The following NRCAM variants were observed in gnomAD, a reference collection of about 807,000 sequenced individuals.
NRCAM encodes the protein NgCAM-related cell adhesion molecule.
A neutral mutation model predicts 156.5 loss-of-function variants in NRCAM; 83 were observed. The ratio of observed to expected loss-of-function variants is 0.53; its 90% CI spans 0.44 to 0.64. The LOEUF (loss-of-function observed/expected upper bound fraction) is 0.64, where lower values mean the gene tolerates loss of function less well. Ranked by LOEUF, NRCAM falls within the 30% of genes least tolerant of loss-of-function variation. The probability of loss-of-function intolerance (pLI) is 0.00; values close to 1 mark genes in which losing one functional copy is unlikely to be tolerated. For synonymous variants in NRCAM, 538 were observed against 563.9 expected, an observed-to-expected ratio of 0.95 and a Z score of 0.65; for missense variants, 1,417 against 1,597.3, an observed-to-expected ratio of 0.89 and a Z score of 1.92.
intron 18 of NRCAM, 72 bp downstream of exon 18, chr7:108,191,657 A>G (rs2071637078): frequency 1.4e-6 from 2 of 1,474,262 alleles, no homozygotes; most frequent in Admixed American, 2.3e-5. Context: ...GATATTTATA[A>G]TTTTTATCTT....
chr7:108,306,387 G>C (rs182781305), intron 3 of NRCAM, among the ~76,000 whole-genome samples: 3 of 151,964 alleles, frequency 2.0e-5, no homozygotes, highest in African/African-American at 7.3e-5. Flanking sequence ...TGAATAGCAC[G>C]GATGGTTTCC....
intron 3 of NRCAM, among the ~76,000 whole-genome samples, chr7:108,311,552 C>CCCTG (rs1400639255): frequency 1.2e-4 from 18 of 152,282 alleles, no homozygotes; most frequent in African/African-American, 4.1e-4. Context: ...TTTCACTTTT[C>CCCTG]AGGGACTGTT....
intron 26 of NRCAM, among the ~76,000 whole-genome samples, chr7:108,177,337 G>A (rs1183090951): frequency 6.6e-6 from 1 of 152,040 alleles, no homozygotes; most frequent in East Asian, 1.9e-4. Context: ...ATCAGTTAAA[G>A]GGAAGGCTGG....
At chr7:108,322,695 G>A (rs891123703) in intron 2 of NRCAM, among the ~76,000 whole-genome samples, 4 of 151,964 alleles carry the variant, frequency 2.6e-5, no homozygotes, top group Non-Finnish European at 5.9e-5. Flanking sequence ...AAATGGCTTT[G>A]GGAGTCTCTG....
chr7:108,454,829 A>C (rs756390546), intron 1 of NRCAM, among the ~76,000 whole-genome samples: 8 of 152,168 alleles, frequency 5.3e-5, no homozygotes, highest in Non-Finnish European at 1.0e-4. Flanking sequence ...AGTCTCTTAG[A>C]CCCGCACTTC....
intron 2 of NRCAM, among the ~76,000 whole-genome samples, chr7:108,337,715 A>AC (rs2154262266): frequency 6.6e-6 from 1 of 152,294 alleles, no homozygotes; most frequent in Non-Finnish European, 1.5e-5. Context: ...GTCAGAGAAC[A>AC]CGAGGCTTGC....
At chr7:108,305,409 GTTTTTTGT>G (rs1187957955) in intron 3 of NRCAM, among the ~76,000 whole-genome samples, 2 of 152,026 alleles carry the variant, frequency 1.3e-5, no homozygotes, top group African/African-American at 2.4e-5. Flanking sequence ...ATCCTTCTCA[GTTTTTTGT>G]TTTTTTGTTT....
intron 1 of NRCAM, among the ~76,000 whole-genome samples, chr7:108,454,505 C>A (rs962373995): frequency 1.3e-5 from 2 of 152,190 alleles, no homozygotes; most frequent in Admixed American, 1.3e-4. Flanking sequence ...ATGTAACATG[C>A]GCAGCGCCCA....
At chr7:108,234,067 A>G (rs899863444) in intron 6 of NRCAM, among the ~76,000 whole-genome samples, 1 of 152,190 alleles carries the variant, frequency 6.6e-6, no homozygotes, top group Non-Finnish European at 1.5e-5. Flanking sequence ...ATTTTAGACT[A>G]TTTTATAAAC....
At chr7:108,399,704 A>G (rs562971385) in intron 1 of NRCAM, 111 bp from the exon 2 acceptor site, 1 of 152,364 alleles carries the variant, frequency 6.6e-6, no homozygotes, top group East Asian at 1.9e-4. Context: ...GGGACTTACT[A>G]TATATCAAAT....
intron 1 of NRCAM, among the ~76,000 whole-genome samples, chr7:108,421,222 A>G (rs1311004229): frequency 6.6e-6 from 1 of 152,220 alleles, no homozygotes; most frequent in African/African-American, 2.4e-5. Context: ...ATAATATCTT[A>G]TGTTAGATGG....
In NRCAM at chr7:108,148,004, T is replaced by C. The variant is rs891652679; in HGVS notation, c.*1906A>G. 1 of 152,664 alleles carries C rather than the reference T, an allele frequency of 6.6e-6. No individual in the cohort carries two copies. Among genetic ancestry groups the C allele is most frequent in the Non-Finnish European group, 1.5e-5 (1 of 68,048 alleles). The allele number at this position is 152,664 out of a possible 1,614,324, so 9.5% of individuals were successfully genotyped here. ...TTTATATTTTCAAGAGACAGGTGGA[T>C]CTGTGAAAAATGAATATAGAGACAT... On this transcript the variant is annotated 3_prime_UTR_variant, in exon 33 of 33. Transcript: ENST00000379028.
At chr7:108,382,752 T>G (rs2099707414) in intron 2 of NRCAM, among the ~76,000 whole-genome samples, 1 of 152,162 alleles carries the variant, frequency 6.6e-6, no homozygotes, top group Non-Finnish European at 1.5e-5. Context: ...CAGCCCAAGT[T>G]TAGTATCACT....
intron 3 of NRCAM, among the ~76,000 whole-genome samples, chr7:108,278,288 C>G (rs887700507): frequency 6.6e-6 from 1 of 152,190 alleles, no homozygotes; most frequent in South Asian, 2.1e-4. Flanking sequence ...CAGGCAGGGA[C>G]GTTTAAGTCT....
At chr7:108,421,830 GT>G (rs1376382670) in intron 1 of NRCAM, among the ~76,000 whole-genome samples, 1 of 152,176 alleles carries the variant, frequency 6.6e-6, no homozygotes, top group East Asian at 1.9e-4. Flanking sequence ...TGTGGTTTTA[GT>G]TTAGGATTTT....
chr7:108,343,814 G>A (rs1219379632), intron 2 of NRCAM, among the ~76,000 whole-genome samples: 1 of 152,238 alleles, frequency 6.6e-6, no homozygotes, highest in East Asian at 1.9e-4. Flanking sequence ...CCTGTAAAGT[G>A]TGCCAATGAA....
Position 108,180,542 on chromosome 7 carries a change from A to C in NRCAM, c.2647-115T>G, listed in dbSNP as rs2062876449. ...AAATTCCGTTGGTATATTTTAGAAG[A>C]AAATTACTAGCAAAACTGATGGATA... On this transcript the variant is annotated intron_variant, in intron 24 of 32. Transcript: ENST00000379028. 1.4e-5 allele frequency: 11 copies of C among 764,982 alleles called. No individual in the cohort carries two copies. The East Asian group carries it at 2.9e-4, about 20-fold the overall frequency. The allele number at this position is 764,982 out of a possible 1,614,324, so 47.4% of individuals were successfully genotyped here.
chr7:108,274,428 G>A (rs1156540399), intron 3 of NRCAM, among the ~76,000 whole-genome samples: 1 of 152,136 alleles, frequency 6.6e-6, no homozygotes, highest in Non-Finnish European at 1.5e-5. Flanking sequence ...GGAGTGGTTT[G>A]TAGTTCTCCT....
intron 3 of NRCAM, among the ~76,000 whole-genome samples, chr7:108,273,693 G>A (rs995477120): frequency 3.3e-5 from 5 of 152,110 alleles, no homozygotes; most frequent in African/African-American, 1.2e-4. Flanking sequence ...TCTGTAGGTT[G>A]CCTGTTCACT....
Sources: allele counts gnomAD v4.1 joint callset (sites outside exome capture counted in the v4.1 genomes callset), GRCh38; gene constraint gnomAD v4.1.1; transcripts MANE v1.5; gene names NCBI Gene and HGNC (gene_info 2026-07-23, HGNC 2026-07-21).